Variants in LRCH1 observed in about 807,000 individuals in gnomAD.
LRCH1 encodes the protein leucine rich repeats and calponin homology domain containing 1, also known as leucine-rich repeat and calponin homology domain-containing protein 1.
A neutral mutation model predicts 94.9 loss-of-function variants in LRCH1; 23 were observed. The ratio of observed to expected loss-of-function variants is 0.24; its 90% CI spans 0.17 to 0.34. The LOEUF (loss-of-function observed/expected upper bound fraction) is 0.34, where lower values mean the gene tolerates loss of function less well. Ranked by LOEUF, LRCH1 falls within the 10% of genes least tolerant of loss-of-function variation. The pLI, the probability that LRCH1 is intolerant of heterozygous loss-of-function variation, is 1.00. For missense variants in LRCH1, 790 were observed against 945.9 expected (o/e 0.84, Z 2.16); for synonymous variants, 364 against 354.9 (o/e 1.03, Z -0.29).
At chr13:46,677,076 G>A (rs564465593) in intron 3 of LRCH1, among the ~76,000 whole-genome samples, 10 of 152,066 alleles carry the variant, frequency 6.6e-5, no homozygotes, top group South Asian at 4.2e-4. Context: ...CATCGTGCCC[G>A]GCCTATGTTG....
intron 3 of LRCH1, among the ~76,000 whole-genome samples, chr13:46,680,589 A>T (rs182455905): frequency 1.1e-4 from 16 of 152,340 alleles, no homozygotes; most frequent in Admixed American, 2.0e-4. Context: ...GGGGACTGGC[A>T]TATCAGGCAG....
At chr13:46,659,548 T>C (rs1191729826) in intron 2 of LRCH1, among the ~76,000 whole-genome samples, 1 of 152,132 alleles carries the variant, frequency 6.6e-6, no homozygotes, top group Non-Finnish European at 1.5e-5. Context: ...TCATGAACTA[T>C]TGGAACAGGT....
intron 1 of LRCH1, among the ~76,000 whole-genome samples, chr13:46,648,920 C>T (rs2051256924): frequency 6.6e-6 from 1 of 151,966 alleles, no homozygotes; most frequent in South Asian, 2.1e-4. Context: ...TATCATTTCA[C>T]TTTGGTCTAT....
chr13:46,672,337 CT>C (rs146998629), intron 3 of LRCH1, among the ~76,000 whole-genome samples: 9 of 147,870 alleles, frequency 6.1e-5, no homozygotes, highest in Admixed American at 4.0e-4. Context: ...TGACAAGTTG[CT>C]TTTTTTTTTC....
chr13:46,685,936 CT>C lies in LRCH1; in HGVS notation c.721del (p.Ser241ProfsTer7). 1 of 1,605,374 alleles carries C rather than the reference CT, an allele frequency of 6.2e-7. No homozygotes were observed. The highest frequency in any genetic ancestry group is 1.1e-5 in the South Asian group (1 of 88,470). ...TAGATCTTTCCTTGGTAAAGTTTGA[CT>C]TTTCCTGCAACAAAGTGCTCGTGAT... is the stretch of plus-strand genomic sequence containing the variant. ...LVDLSLVKFD[F>X]SCNKVLVIPI... On this transcript the variant is annotated frameshift_variant, in exon 5 of 20. Coordinates refer to ENST00000389797, the MANE Select transcript of LRCH1 (RefSeq NM_001164211.2). LOFTEE classifies it high-confidence loss of function.
chr13:46,592,794 C>T (rs904012069), intron 1 of LRCH1, among the ~76,000 whole-genome samples: 1 of 152,116 alleles, frequency 6.6e-6, no homozygotes, highest in African/African-American at 2.4e-5. Context: ...GGCAAAACTC[C>T]TTAGTTTGTT....
intron 1 of LRCH1, among the ~76,000 whole-genome samples, chr13:46,578,094 C>G (rs1172094193): frequency 6.6e-6 from 1 of 152,214 alleles, no homozygotes; most frequent in African/African-American, 2.4e-5. Context: ...CCTCCTCCCC[C>G]ATCTCTGCCC....
intron 18 of LRCH1, among the ~76,000 whole-genome samples, chr13:46,732,451 A>G (rs1873157014): frequency 1.3e-5 from 2 of 152,326 alleles, no homozygotes; most frequent in East Asian, 3.9e-4. Context: ...GTTAGGCAAC[A>G]ATCTTTGAAG....
At chr13:46,732,379 G>C (rs1164828096) in intron 18 of LRCH1, among the ~76,000 whole-genome samples, 2 of 152,082 alleles carry the variant, frequency 1.3e-5, no homozygotes. Context: ...TTTTATTATT[G>C]GACCAGTGGT....
At chr13:46,672,014 C>T (rs2138123439) in intron 3 of LRCH1, among the ~76,000 whole-genome samples, 1 of 152,332 alleles carries the variant, frequency 6.6e-6, no homozygotes, top group South Asian at 2.1e-4. Flanking sequence ...TGACATGTGT[C>T]TCTTTCACTA....
intron 1 of LRCH1, among the ~76,000 whole-genome samples, chr13:46,604,460 A>G (rs189100624): frequency 3.3e-4 from 50 of 152,330 alleles, no homozygotes; most frequent in Non-Finnish European, 5.3e-4. Flanking sequence ...GAATAAATTA[A>G]TTCTGAAGGA....
chr13:46,737,544 G>T (rs1379857962), intron 19 of LRCH1, among the ~76,000 whole-genome samples: 2 of 152,208 alleles, frequency 1.3e-5, no homozygotes, highest in Non-Finnish European at 2.9e-5. Flanking sequence ...CCTTTGTGCT[G>T]TTGATGCTTA....
At chr13:46,734,273 C>T (rs986047337) in intron 19 of LRCH1, among the ~76,000 whole-genome samples, 3 of 151,888 alleles carry the variant, frequency 2.0e-5, no homozygotes, top group Non-Finnish European at 4.4e-5. Flanking sequence ...AATTTTAATC[C>T]GCTTGATTCT....
intron 17 of LRCH1, among the ~76,000 whole-genome samples, chr13:46,725,285 C>T (rs1872758160): frequency 6.6e-6 from 1 of 152,152 alleles, no homozygotes; most frequent in South Asian, 2.1e-4. Context: ...CATTAGAAGC[C>T]TAAACCTCAG....
chr13:46,720,156 G>C (rs1872532706), intron 16 of LRCH1, among the ~76,000 whole-genome samples: 1 of 152,080 alleles, frequency 6.6e-6, no homozygotes, highest in Non-Finnish European at 1.5e-5. Context: ...GGAGTCTGAG[G>C]CAGGTAGATC....
chr13:46,649,117 A>G (rs1015328898), intron 1 of LRCH1, among the ~76,000 whole-genome samples: 2 of 152,076 alleles, frequency 1.3e-5, no homozygotes, highest in Non-Finnish European at 2.9e-5. Flanking sequence ...GCTTATTTGT[A>G]TATTTATTTA....
At chr13:46,688,656 TC>T (rs967686655) in intron 6 of LRCH1, among the ~76,000 whole-genome samples, 1 of 152,228 alleles carries the variant, frequency 6.6e-6, no homozygotes, top group Non-Finnish European at 1.5e-5. Flanking sequence ...TTTGGACTAC[TC>T]TAATGTTACT....
chr13:46,623,381 A>C (rs1047042635), intron 1 of LRCH1, among the ~76,000 whole-genome samples: 7 of 152,174 alleles, frequency 4.6e-5, no homozygotes, highest in African/African-American at 1.7e-4. Context: ...GAAAGTAAAT[A>C]TTTTGCAGGA....
At chr13:46,646,079 G>T (rs2051217552) in intron 1 of LRCH1, among the ~76,000 whole-genome samples, 1 of 152,158 alleles carries the variant, frequency 6.6e-6, no homozygotes. Context: ...CAGAAAGAAA[G>T]AACACAAGAG....
Sources: gnomAD v4.1 joint callset for allele counts (sites outside exome capture counted in the v4.1 genomes callset) on GRCh38, gnomAD v4.1.1 for gene constraint, MANE v1.5 for transcripts, NCBI Gene and HGNC (gene_info 2026-07-23, HGNC 2026-07-21) for gene names.